KCNJ15: variants seen among roughly 807,000 people sequenced by gnomAD.
KCNJ15 encodes potassium inwardly rectifying channel subfamily J member 15, also known as ATP-sensitive inward rectifier potassium channel 15.
Under a neutral mutation model 23.0 loss-of-function variants are expected in KCNJ15, and 14 were observed. The observed-to-expected ratio is 0.61, with a 90% confidence interval of 0.40 to 0.95. KCNJ15 has a LOEUF of 0.95. KCNJ15 is among the 40% of genes least tolerant of loss of function. The probability of loss-of-function intolerance (pLI) is 0.00; values close to 1 mark genes in which losing one functional copy is unlikely to be tolerated. For synonymous variants in KCNJ15, 185 were observed against 183.2 expected (o/e 1.01, Z -0.08); for missense variants, 388 against 461.8 (o/e 0.84, Z 1.46).
chr21:38,297,704 CT>C (rs1396174170), intron 2 of KCNJ15, among the ~76,000 whole-genome samples: 1 of 152,178 alleles, frequency 6.6e-6, no homozygotes, highest in Non-Finnish European at 1.5e-5. Context: ...CTGTACTTTT[CT>C]TCTAACTTGA....
At position 38,257,053 on chromosome 21, in the gene KCNJ15, TGA is replaced by T. The variant is rs1440777396; in HGVS notation, c.-243_-242del. 6.6e-6 allele frequency: 1 copy of T among 152,038 alleles called. No homozygotes were observed. Among genetic ancestry groups the T allele is most frequent in the Non-Finnish European group, 1.5e-5 (1 of 68,046 alleles). The allele number at this position is 152,038 out of a possible 1,614,324, so 9.4% of individuals were successfully genotyped here. A position where few individuals can be genotyped will look rare whatever the true frequency, so the allele number is the denominator to read the frequency against. On this transcript the variant is annotated 5_prime_UTR_variant, in exon 1 of 3. Transcript: ENST00000398938. ...CTTGTTTTTGACTGACAGTGAACAGTGAGAGAGTTTTCTTCATTTTGAGGAAC... is the reference window on the plus strand; with the variant it reads ...CTTGTTTTTGACTGACAGTGAACAGTGAGAGTTTTCTTCATTTTGAGGAAC...
chr21:38,287,723 A>G (rs1984062473), intron 1 of KCNJ15, among the ~76,000 whole-genome samples: 1 of 152,186 alleles, frequency 6.6e-6, no homozygotes, highest in Non-Finnish European at 1.5e-5. Context: ...GTGTTTTCTT[A>G]CACTGTACAG....
At chr21:38,265,592 C>A (rs1026291203) in intron 1 of KCNJ15, among the ~76,000 whole-genome samples, 8 of 152,202 alleles carry the variant, frequency 5.3e-5, no homozygotes, top group African/African-American at 1.9e-4. Context: ...CAGTGATCTT[C>A]ACCAAGTATA....
At chr21:38,267,124 T>C (rs1016848211) in intron 1 of KCNJ15, among the ~76,000 whole-genome samples, 59 of 152,132 alleles carry the variant, frequency 3.9e-4, no homozygotes, top group African/African-American at 1.3e-3. Context: ...ATTCAGCAGG[T>C]GGAATCTGGG....
intron 1 of KCNJ15, among the ~76,000 whole-genome samples, chr21:38,274,734 G>C (rs1232326275): frequency 6.6e-6 from 1 of 151,874 alleles, no homozygotes; most frequent in Non-Finnish European, 1.5e-5. Flanking sequence ...TTGAAATCTT[G>C]CCTTCTTAAT....
upstream of KCNJ15, among the ~76,000 whole-genome samples, chr21:38,253,620 T>C (rs1453531781): frequency 1.3e-5 from 2 of 152,208 alleles, no homozygotes; most frequent in African/African-American, 4.8e-5. Context: ...AAATATTTTT[T>C]CCCTCTCATC....
intron 1 of KCNJ15, among the ~76,000 whole-genome samples, chr21:38,292,366 C>A (rs538040175): frequency 1.2e-4 from 19 of 152,176 alleles, no homozygotes; most frequent in Admixed American, 7.8e-4. Context: ...ACAGTGGTAC[C>A]TGGGCGGCCC....
At chr21:38,269,498 G>A (rs1465380561) in intron 1 of KCNJ15, among the ~76,000 whole-genome samples, 1 of 151,992 alleles carries the variant, frequency 6.6e-6, no homozygotes, top group Non-Finnish European at 1.5e-5. Context: ...TTTCATTTCT[G>A]TTAAAAATAC....
chr21:38,245,292 G>A (rs890752687), intron 1 of KCNJ15, among the ~76,000 whole-genome samples: 29 of 151,680 alleles, frequency 1.9e-4, no homozygotes, highest in Admixed American at 3.9e-4. Context: ...AAACAACATT[G>A]ATGTCCAGGC....
At chr21:38,251,749 A>G (rs1979853622), upstream of KCNJ15, among the ~76,000 whole-genome samples, 1 of 152,198 alleles carries the variant, frequency 6.6e-6, no homozygotes, top group Admixed American at 6.5e-5. Context: ...GCCAGCGAGT[A>G]GGGGATTTCT....
At chr21:38,282,159 C>A (rs188025176) in intron 1 of KCNJ15, among the ~76,000 whole-genome samples, 4 of 152,038 alleles carry the variant, frequency 2.6e-5, no homozygotes, top group Non-Finnish European at 4.4e-5. Context: ...ACCATGGATT[C>A]ATTTTAAAAT....
At chr21:38,271,600 A>G (rs564251166) in intron 1 of KCNJ15, among the ~76,000 whole-genome samples, 25 of 152,304 alleles carry the variant, frequency 1.6e-4, no homozygotes, top group South Asian at 1.0e-3. Flanking sequence ...TCTCATTGCT[A>G]ATGTGGTCCT....
At position 38,292,585 on chromosome 21, in the gene KCNJ15, C is replaced by T. The variant is rs116333146; in HGVS notation, c.-116-4341C>T. On this transcript the variant is annotated intron_variant, in intron 1 of 2. Coordinates refer to ENST00000398938, the MANE Select transcript of KCNJ15 (RefSeq NM_170736.3). ...TGTTGTTCTTAGGGATAAGGCAAGC[C>T]ATTCTTGCCATTACAATCTTGTTGA... Among the ~76,000 whole-genome samples the T allele has an allele frequency of 7.8e-3, 1,183 of 152,240 alleles. 18 individuals are homozygous for T. Among genetic ancestry groups the T allele is most frequent in the African/African-American group, 0.027 (1,105 of 41,530 alleles).
At chr21:38,279,185 G>T (rs1461028028) in intron 1 of KCNJ15, among the ~76,000 whole-genome samples, 1 of 151,758 alleles carries the variant, frequency 6.6e-6, no homozygotes, top group African/African-American at 2.4e-5. Flanking sequence ...GGGAGGAAGG[G>T]AGTTGCCCTG....
chr21:38,241,160 A>G (rs1978967255), intron 1 of KCNJ15, among the ~76,000 whole-genome samples: 1 of 152,250 alleles, frequency 6.6e-6, no homozygotes, highest in Non-Finnish European at 1.5e-5. Flanking sequence ...TAACAGCATA[A>G]TCAGTTCTTT....
chr21:38,272,756 C>T (rs982672407), intron 1 of KCNJ15, among the ~76,000 whole-genome samples: 2 of 152,188 alleles, frequency 1.3e-5, no homozygotes, highest in Non-Finnish European at 2.9e-5. Flanking sequence ...AAGAAGACTT[C>T]TGCTTCTGAA....
chr21:38,238,216 G>A (rs545090063), intron 1 of KCNJ15: 5 of 535,080 alleles, frequency 9.3e-6, no homozygotes, highest in African/African-American at 7.6e-5. Context: ...AGCCCAAGAG[G>A]GTTGGGGCAG....
At chr21:38,237,709 G>T (rs1028115416) in intron 1 of KCNJ15, among the ~76,000 whole-genome samples, 1 of 152,172 alleles carries the variant, frequency 6.6e-6, no homozygotes, top group African/African-American at 2.4e-5. Flanking sequence ...AGGATCAATG[G>T]TGTTGAGGTA....
rs1381655111 is a variant in KCNJ15 at position 38,300,375 on chromosome 21, CA to C, written c.1115del (p.Gln372ArgfsTer13). 6.2e-7 allele frequency: 1 copy of C among 1,609,310 alleles called. No individual in the cohort carries two copies. The highest frequency in any genetic ancestry group is 1.7e-5 in the Admixed American group (1 of 59,646). ...AGAACTGAGGACACTTTTATTACAA[CA>C]GAGCAATGTCTGATCACAGGGGCGC... Reference protein sequence around the residue: ...ERELRTLLLQQSNV With the variant: ...ERELRTLLLQXSNV On this transcript the variant is annotated frameshift_variant, in exon 3 of 3. Transcript: ENST00000398938. LOFTEE classifies it high-confidence loss of function.
Sources: allele counts gnomAD v4.1 joint callset (sites outside exome capture counted in the v4.1 genomes callset), GRCh38; gene constraint gnomAD v4.1.1; transcripts MANE v1.5; gene names NCBI Gene and HGNC (gene_info 2026-07-23, HGNC 2026-07-21).